LGSN: variants seen among roughly 807,000 people sequenced by gnomAD.
The protein encoded by LGSN is lengsin, lens protein with glutamine synthetase domain.
In LGSN, 21 loss-of-function variants were observed where a neutral mutation model predicts 19.5. The observed-to-expected ratio is 1.07, with a 90% confidence interval of 0.76 to 1.55. The LOEUF is 1.55. LGSN is among the 40% of genes most tolerant of loss of function. LGSN has a pLI of 0.00. For synonymous variants in LGSN, 257 were observed against 215.6 expected, an observed-to-expected ratio of 1.19 and a Z score of -1.68; for missense variants, 673 against 608.5, an observed-to-expected ratio of 1.11 and a Z score of -1.12.
chr6:63,329,378 G>A, the LGSN span, among the ~76,000 whole-genome samples: 1 of 152,198 alleles, frequency 6.6e-6, no homozygotes, highest in Non-Finnish European at 1.5e-5. Context: ...AGAGAGCAGG[G>A]TATAGGGGTT....
At chr6:63,396,668 G>T in the LGSN span, 1 of 153,286 alleles carries the variant, frequency 6.5e-6, no homozygotes. Flanking sequence ...GTCTCTTGCT[G>T]GGGTGGAGGG....
the LGSN span, chr6:63,548,808 C>T: frequency 1.8e-5 from 13 of 736,974 alleles, no homozygotes; most frequent in African/African-American, 6.9e-5. Flanking sequence ...CCAGTGACGG[C>T]GGATCTCATT....
the LGSN span, among the ~76,000 whole-genome samples, chr6:63,454,633 G>A: frequency 1.3e-5 from 2 of 151,186 alleles, no homozygotes; most frequent in Admixed American, 6.6e-5. Flanking sequence ...CACCATCCCC[G>A]GCTAATTTTT....
chr6:63,553,242 C>T, the LGSN span, among the ~76,000 whole-genome samples: 1 of 152,122 alleles, frequency 6.6e-6, no homozygotes, highest in Non-Finnish European at 1.5e-5. Context: ...TTGATGATGT[C>T]AAAGCTCTGC....
At chr6:63,419,878 CCCAAAAAAAAAAAAAAAAAAAAAAA>C in the LGSN span, among the ~76,000 whole-genome samples, 1 of 90,084 alleles carries the variant, frequency 1.1e-5, no homozygotes, top group Non-Finnish European at 2.0e-5. Flanking sequence ...GAAACTCCCT[CCCAAAAAAAAAAAAAAAAAAAAAAA>C]AAAAAAAAAA....
chr6:63,572,914 G>C, the LGSN span, among the ~76,000 whole-genome samples: 1 of 152,090 alleles, frequency 6.6e-6, no homozygotes, highest in Non-Finnish European at 1.5e-5. Flanking sequence ...GGAGGCAGAT[G>C]CCGGGCCCCT....
chr6:63,322,325 A>G (rs1769103783), upstream of LGSN, among the ~76,000 whole-genome samples: 1 of 152,202 alleles, frequency 6.6e-6, no homozygotes, highest in Non-Finnish European at 1.5e-5. Flanking sequence ...TAGGGTGAAA[A>G]CATGCCCAAT....
At chr6:63,491,304 C>A in the LGSN span, among the ~76,000 whole-genome samples, 2 of 152,124 alleles carry the variant, frequency 1.3e-5, no homozygotes, top group African/African-American at 4.8e-5. Flanking sequence ...TGGAAGACAT[C>A]CAAAAATGCC....
intron 1 of LGSN, among the ~76,000 whole-genome samples, chr6:63,317,713 G>A (rs973712816): frequency 6.6e-6 from 1 of 152,126 alleles, no homozygotes; most frequent in Non-Finnish European, 1.5e-5. Context: ...GCCTCTAGAA[G>A]GTCAGGTAGA....
At chr6:63,544,112 A>G in the LGSN span, among the ~76,000 whole-genome samples, 2 of 152,110 alleles carry the variant, frequency 1.3e-5, no homozygotes, top group Admixed American at 6.6e-5. Context: ...TCTACTTACA[A>G]TTGTGGGGAG....
the LGSN span, among the ~76,000 whole-genome samples, chr6:63,437,855 C>T: frequency 7.9e-5 from 12 of 152,028 alleles, no homozygotes; most frequent in East Asian, 1.2e-3. Flanking sequence ...CCTTGAGCTC[C>T]GGAGGCGGAG....
intron 1 of LGSN, among the ~76,000 whole-genome samples, chr6:63,303,016 T>G (rs1768247917): frequency 6.6e-6 from 1 of 152,168 alleles, no homozygotes; most frequent in African/African-American, 2.4e-5. Flanking sequence ...TAATCCCAGC[T>G]ACTCGGGAAG....
chr6:63,290,858 C>T (rs78875111), intron 2 of LGSN, among the ~76,000 whole-genome samples: 31 of 152,298 alleles, frequency 2.0e-4, no homozygotes, highest in African/African-American at 7.2e-4. Context: ...CTCTCTGCTC[C>T]AGTTTTCTCA....
chr6:63,509,303 G>A, the LGSN span, among the ~76,000 whole-genome samples: 1 of 152,006 alleles, frequency 6.6e-6, no homozygotes, highest in Non-Finnish European at 1.5e-5. Flanking sequence ...GACCTCAGGT[G>A]ATCCGCCTGC....
At chr6:63,374,461 T>C in the LGSN span, among the ~76,000 whole-genome samples, 2 of 152,228 alleles carry the variant, frequency 1.3e-5, no homozygotes, top group African/African-American at 4.8e-5. Flanking sequence ...TAAGATGTCA[T>C]TGATTCTAAG....
At chr6:63,462,083 C>T in the LGSN span, among the ~76,000 whole-genome samples, 3 of 152,130 alleles carry the variant, frequency 2.0e-5, no homozygotes, top group Non-Finnish European at 2.9e-5. Flanking sequence ...TCTTCCAGGT[C>T]TTTTCCAAAA....
the LGSN span, among the ~76,000 whole-genome samples, chr6:63,418,260 A>C: frequency 6.6e-6 from 1 of 152,154 alleles, no homozygotes; most frequent in African/African-American, 2.4e-5. Context: ...AAAACCCTGA[A>C]TATTATATAT....
chr6:63,368,424 A>C, the LGSN span, among the ~76,000 whole-genome samples: 1 of 152,282 alleles, frequency 6.6e-6, no homozygotes, highest in African/African-American at 2.4e-5. Context: ...CCGTTCCAGA[A>C]ATACAGTCCT....
the LGSN span, among the ~76,000 whole-genome samples, chr6:63,454,795 T>TTTC: frequency 7.8e-5 from 10 of 127,674 alleles, no homozygotes; most frequent in Admixed American, 1.6e-4. Flanking sequence ...TTCTTTTTCT[T>TTTC]TTTTTTTTTT....
Sources: gnomAD v4.1 joint callset for allele counts (sites outside exome capture counted in the v4.1 genomes callset) on GRCh38, gnomAD v4.1.1 for gene constraint, MANE v1.5 for transcripts, NCBI Gene and HGNC (gene_info 2026-07-23, HGNC 2026-07-21) for gene names.